RAB3GAP2: variants seen among roughly 807,000 people sequenced by gnomAD.
RAB3GAP2 encodes rab3 GTPase-activating protein non-catalytic subunit.
RAB3GAP2 carries 87 observed loss-of-function variants against 185.3 expected under a neutral mutation model. That is an observed-to-expected ratio of 0.47 (90% CI 0.39 to 0.56). RAB3GAP2 has a LOEUF of 0.56. RAB3GAP2 is among the 20% of genes least tolerant of loss of function. The pLI, the probability that RAB3GAP2 is intolerant of heterozygous loss-of-function variation, is 0.00. For missense variants in RAB3GAP2, 1,492 were observed against 1,638.2 expected, an observed-to-expected ratio of 0.91 and a Z score of 1.54; for synonymous variants, 554 against 576.1, an observed-to-expected ratio of 0.96 and a Z score of 0.55.
intron 14 of RAB3GAP2, among the ~76,000 whole-genome samples, chr1:220,190,728 C>T (rs1387363621): frequency 6.6e-6 from 1 of 151,930 alleles, no homozygotes; most frequent in African/African-American, 2.4e-5. Context: ...ATTAAATGAA[C>T]ACAATCAGGC....
intron 27 of RAB3GAP2, among the ~76,000 whole-genome samples, chr1:220,163,663 T>G (rs1330272791): frequency 6.7e-6 from 1 of 149,688 alleles, no homozygotes; most frequent in Non-Finnish European, 1.5e-5. Context: ...CGTCCGGCAG[T>G]AACTTAATTT....
Position 220,159,379 on chromosome 1 carries a change from C to A in RAB3GAP2, c.3261+7G>T. ...ACCATAATTCTAGCTATGGGAGATT[C>A]ACTTACCCTTCGGCATAACCTATCT... On this transcript the variant is annotated splice_region_variant and intron_variant, in intron 29 of 34. Transcript: ENST00000358951. 1 of 1,602,932 alleles carries A rather than the reference C, an allele frequency of 6.2e-7. No homozygotes were observed. The highest frequency in any genetic ancestry group is 1.1e-5 in the South Asian group (1 of 90,636).
chr1:220,256,400 A>T (rs969314376), intron 1 of RAB3GAP2, among the ~76,000 whole-genome samples: 1 of 152,246 alleles, frequency 6.6e-6, no homozygotes, highest in African/African-American at 2.4e-5. Context: ...AAATCCACAC[A>T]TAACAATACT....
rs1657696337 is a variant in RAB3GAP2 at position 220,149,305 on chromosome 1, A to G, written c.*1946T>C. On this transcript the variant is annotated 3_prime_UTR_variant, in exon 35 of 35. Coordinates refer to ENST00000358951, the MANE Select transcript of RAB3GAP2 (RefSeq NM_012414.4). ...GATTTGTGTTAGGATTCTGTGAGCCATACTTCAGCTTATTATTGTTCTCAG... is the reference window on the plus strand; with the variant it reads ...GATTTGTGTTAGGATTCTGTGAGCCGTACTTCAGCTTATTATTGTTCTCAG... 6.6e-6 allele frequency: 1 copy of G among 152,218 alleles called. No homozygotes were observed. Among genetic ancestry groups the G allele is most frequent in the African/African-American group, 2.4e-5 (1 of 41,442 alleles). The allele number at this position is 152,218 out of a possible 1,614,324, so 9.4% of individuals were successfully genotyped here. A position where few individuals can be genotyped will look rare whatever the true frequency, so the allele number is the denominator to read the frequency against.
intron 1 of RAB3GAP2, among the ~76,000 whole-genome samples, chr1:220,257,450 T>C (rs1405856634): frequency 1.3e-5 from 2 of 151,102 alleles, no homozygotes; most frequent in Admixed American, 6.6e-5. Context: ...CAGAAGCAAA[T>C]TGAACAACCT....
At chr1:220,164,507 ACT>A (rs1407185386) in intron 27 of RAB3GAP2, among the ~76,000 whole-genome samples, 2 of 124,554 alleles carry the variant, frequency 1.6e-5, no homozygotes, top group Non-Finnish European at 3.2e-5. Flanking sequence ...ACAGGGTCTC[ACT>A]CTGTCACCCA....
At chr1:220,202,716 G>C (rs1658885987) in intron 8 of RAB3GAP2, among the ~76,000 whole-genome samples, 1 of 152,182 alleles carries the variant, frequency 6.6e-6, no homozygotes, top group Non-Finnish European at 1.5e-5. Context: ...GCCGAGGCAG[G>C]CAGGTCGCTT....
intron 31 of RAB3GAP2, among the ~76,000 whole-genome samples, chr1:220,154,721 CT>C (rs368964533): frequency 2.7e-3 from 360 of 133,274 alleles, no homozygotes; most frequent in African/African-American, 5.3e-3. Context: ...ACCCTGAATC[CT>C]TTTTTTTTTT....
chr1:220,211,327 T>A, intron 4 of RAB3GAP2: 1 of 510,096 alleles, frequency 2.0e-6, no homozygotes, highest in South Asian at 1.5e-5. Flanking sequence ...GCTCAAATGA[T>A]CCCCACGCAG....
chr1:220,215,518 A>G (rs1261382699), intron 2 of RAB3GAP2, among the ~76,000 whole-genome samples: 1 of 152,270 alleles, frequency 6.6e-6, no homozygotes, highest in East Asian at 1.9e-4. Flanking sequence ...AAAGGAAAGG[A>G]ACAAATTGCA....
chr1:220,194,812 C>T (rs1265565062), intron 12 of RAB3GAP2, among the ~76,000 whole-genome samples: 2 of 152,202 alleles, frequency 1.3e-5, no homozygotes, highest in African/African-American at 4.8e-5. Flanking sequence ...TCTCCTACAA[C>T]TAAGCTAAGT....
intron 26 of RAB3GAP2, among the ~76,000 whole-genome samples, chr1:220,166,439 G>A (rs1658063380): frequency 6.6e-6 from 1 of 152,204 alleles, no homozygotes; most frequent in African/African-American, 2.4e-5. Flanking sequence ...GATTGGCAAA[G>A]GGGAATATTT....
intron 9 of RAB3GAP2, among the ~76,000 whole-genome samples, chr1:220,201,968 C>T (rs1204291754): frequency 3.3e-5 from 5 of 151,860 alleles, no homozygotes; most frequent in Non-Finnish European, 7.4e-5. Flanking sequence ...AGTTCAAGAC[C>T]AACCCAGCCA....
At chr1:220,248,345 G>A (rs1659857913) in intron 1 of RAB3GAP2, among the ~76,000 whole-genome samples, 1 of 152,076 alleles carries the variant, frequency 6.6e-6, no homozygotes, top group Admixed American at 6.6e-5. Flanking sequence ...AGCTAAGGGA[G>A]TAGATCTTAA....
chr1:220,190,121 C>T lies in RAB3GAP2; in HGVS notation c.1657G>A (p.Asp553Asn), dbSNP rs199952665. The change falls in exon 16 of 35, where the codon GAT becomes AAT. Residue 553 changes from aspartate (D) to asparagine (N), a missense_variant. By Grantham distance (23) the Asp-to-Asn change is conservative. This residue lies in a region of RAB3GAP2 where 681 missense variants were observed against 689.1 expected (regional missense o/e 0.99). Coordinates refer to ENST00000358951, the MANE Select transcript of RAB3GAP2 (RefSeq NM_012414.4). ...LSDKKSERAKDMHLVKKLAAL... is the reference protein window; with the variant it reads ...LSDKKSERAKNMHLVKKLAAL... ...GCTAGTTTCTTCACTAGGTGCATAT[C>T]CTTGGCTCGTTCACTCTTCTTATCA... 1.5e-4 allele frequency: 249 copies of T among 1,613,262 alleles called. No individual in the cohort carries two copies. The highest frequency in any genetic ancestry group is 2.0e-4 in the Non-Finnish European group (236 of 1,179,468).
intron 2 of RAB3GAP2, among the ~76,000 whole-genome samples, 182 bp downstream of exon 2, chr1:220,232,617 G>A (rs1238304341): frequency 2.6e-5 from 4 of 152,138 alleles, no homozygotes; most frequent in African/African-American, 7.2e-5. Flanking sequence ...GAAGACACCC[G>A]CTTTAGCTAC....
At chr1:220,197,134 C>T (rs553971736) in intron 9 of RAB3GAP2, among the ~76,000 whole-genome samples, 115 of 151,908 alleles carry the variant, frequency 7.6e-4, no homozygotes, top group Non-Finnish European at 1.3e-3. Context: ...ATTACAGACG[C>T]GCACCACCAT....
At chr1:220,268,197 T>C (rs1265752876) in intron 1 of RAB3GAP2, among the ~76,000 whole-genome samples, 1 of 152,218 alleles carries the variant, frequency 6.6e-6, no homozygotes, top group East Asian at 1.9e-4. Context: ...CAGGTCCTAT[T>C]TACCTGCTCT....
At position 220,244,529 on chromosome 1, in the gene RAB3GAP2, A is replaced by G. The variant is rs537028098; in HGVS notation, c.116-11666T>C. ...CAATTTCCATCAAAATACCATCATCATTTTTTCACAGAACTAGAAAAAAAA... is the reference window on the plus strand; with the variant it reads ...CAATTTCCATCAAAATACCATCATCGTTTTTTCACAGAACTAGAAAAAAAA... On this transcript the variant is annotated intron_variant, in intron 1 of 34. Coordinates refer to ENST00000358951, the MANE Select transcript of RAB3GAP2 (RefSeq NM_012414.4). Among the ~76,000 whole-genome samples, 4 of 152,234 alleles carry G rather than the reference A, an allele frequency of 2.6e-5. No individual in the cohort carries two copies. The East Asian group carries it at 7.7e-4, about 29-fold the overall frequency.
Sources: allele counts gnomAD v4.1 joint callset (sites outside exome capture counted in the v4.1 genomes callset), GRCh38; gene constraint gnomAD v4.1.1; regional missense constraint gnomAD v4.1.1; transcripts MANE v1.5; gene names NCBI Gene and HGNC (gene_info 2026-07-23, HGNC 2026-07-21).